The following PXN variants were observed in gnomAD, a reference collection of about 807,000 sequenced individuals.
PXN encodes testicular tissue protein Li 134.
In PXN, 61 loss-of-function variants were observed where a neutral mutation model predicts 103.6. The observed-to-expected ratio is 0.59, with a 90% CI of 0.48 to 0.73. The LOEUF (loss-of-function observed/expected upper bound fraction) is 0.73. Among genes scored for constraint, PXN ranks in the 30% least tolerant of loss-of-function variants. The probability of loss-of-function intolerance (pLI) is 0.00; values close to 1 mark genes in which losing one functional copy is unlikely to be tolerated. For synonymous variants in PXN, 562 were observed against 607.8 expected (o/e 0.92, Z 1.11); for missense variants, 1,274 against 1,460.3 (o/e 0.87, Z 2.08).
chr12:120,248,492 TCACACACACACA>T lies in PXN; in HGVS notation c.13+17113_13+17124del, dbSNP rs3221954. Among the ~76,000 whole-genome samples the T allele has an allele frequency of 8.3e-3, 1,056 of 127,932 alleles. 6 individuals are homozygous for T. The highest frequency in any genetic ancestry group is 0.012 in the Non-Finnish European group (722 of 60,986). 83.9% of individuals were successfully genotyped at this position (127,932 alleles called of 152,430 possible). ...ACCATATACAATCCACAGATGACTT[TCACACACACACA>T]CACACACACACACACACACACACAC... On this transcript the variant is annotated intron_variant, in intron 1 of 14. Coordinates refer to ENST00000637617, the MANE Select transcript of PXN (RefSeq NM_001385981.1).
chr12:120,224,097 G>C lies in PXN; in HGVS notation c.240+54C>G. 7.2e-7 allele frequency: 1 copy of C among 1,396,454 alleles called. No individual in the cohort carries two copies. The highest frequency in any genetic ancestry group is 1.4e-5 in the South Asian group (1 of 71,902). 86.5% of individuals were successfully genotyped at this position (1,396,454 alleles called of 1,614,324 possible). A position where few individuals can be genotyped will look rare whatever the true frequency, so the allele number is the denominator to read the frequency against. On this transcript the variant is annotated intron_variant, in intron 2 of 14. Coordinates refer to ENST00000637617, the MANE Select transcript of PXN (RefSeq NM_001385981.1). The surrounding 1 kb of genome is among the most constrained non-coding windows in gnomAD (Gnocchi z 5.0). ...GGCTCCCTAAGCCCCTGCCAGCTAA[G>C]TTCCCTCTGTCCCCCAGCCTCCTTG...
chr12:120,222,351 C>T lies in PXN; in HGVS notation c.695+198G>A, dbSNP rs746299450. 5.9e-5 allele frequency among the ~76,000 whole-genome samples: 9 copies of T among 152,242 alleles called. No individual in the cohort carries two copies. The highest frequency in any genetic ancestry group is 2.1e-4 in the South Asian group (1 of 4,836). ...CTCCAGGCGCCCTCAGCCTGCACAA[C>T]GTCTGTCCTTTCTGACTGGCAGTGA... On this transcript the variant is annotated intron_variant, in intron 5 of 14. Coordinates refer to ENST00000637617, the MANE Select transcript of PXN (RefSeq NM_001385981.1). This position sits in a 1 kb window ranked among gnomAD's most constrained non-coding sequence, Gnocchi z 4.7.
chr12:120,223,062 G>A (rs1885680217), intron 3 of PXN, 63 bp from the exon 4 acceptor site: 3 of 1,611,024 alleles, frequency 1.9e-6, no homozygotes, highest in Non-Finnish European at 2.5e-6. Flanking sequence ...TGGCTTGGCA[G>A]TTCCCAGATT....
In PXN at chr12:120,222,187, G is replaced by A. The variant is rs1885374932; in HGVS notation, c.695+362C>T. 6.6e-6 allele frequency among the ~76,000 whole-genome samples: 1 copy of A among 152,208 alleles called. No homozygotes were observed. The highest frequency in any genetic ancestry group is 2.4e-5 in the African/African-American group (1 of 41,462). ...GTTCTCACCCTTACTGAGGTAGGTG[G>A]TCTTATCCCAGTGATCCCATAAGTT... On this transcript the variant is annotated intron_variant, in intron 5 of 14. Transcript: ENST00000637617. This position sits in a 1 kb window ranked among gnomAD's most constrained non-coding sequence, Gnocchi z 4.7.
At chr12:120,247,872 A>C (rs1891437658) in intron 1 of PXN, 1 of 152,260 alleles carries the variant, frequency 6.6e-6, no homozygotes, top group South Asian at 2.1e-4. Context: ...TTCTGTTAAT[A>C]TCAGGCAAGG....
In PXN at chr12:120,217,177, A is replaced by T; in HGVS notation, c.1717-61T>A. On this transcript the variant is annotated intron_variant, in intron 7 of 14. Coordinates refer to ENST00000637617, the MANE Select transcript of PXN (RefSeq NM_001385981.1). This position sits in a 1 kb window ranked among gnomAD's most constrained non-coding sequence, Gnocchi z 4.1. ...ACTCCCAGCTTGCACAACGCTGCTC[A>T]GGCCACACTCAGATGCCTCAGGAGA... 2 of 1,357,752 alleles carry T rather than the reference A, an allele frequency of 1.5e-6. No homozygotes were observed. The highest frequency in any genetic ancestry group is 4.0e-5 in the Admixed American group (2 of 49,646). 84.1% of individuals were successfully genotyped at this position (1,357,752 alleles called of 1,614,324 possible). A position where few individuals can be genotyped will look rare whatever the true frequency, so the allele number is the denominator to read the frequency against.
chr12:120,239,924 T>TC (rs1184559239), intron 1 of PXN, among the ~76,000 whole-genome samples: 1 of 146,170 alleles, frequency 6.8e-6, no homozygotes, highest in Non-Finnish European at 1.5e-5. Context: ...GAAATCTAGC[T>TC]CCCTTTTTTT....
chr12:120,236,524 C>G (rs1889086661), intron 1 of PXN, among the ~76,000 whole-genome samples: 1 of 147,734 alleles, frequency 6.8e-6, no homozygotes, highest in African/African-American at 2.5e-5. Flanking sequence ...GTCGCCCAGG[C>G]TGGCGTACAG....
chr12:120,265,062 G>A lies in PXN; in HGVS notation c.13+555C>T, dbSNP rs1433991244. On this transcript the variant is annotated intron_variant, in intron 1 of 14. Transcript: ENST00000637617. The surrounding 1 kb of genome is among the most constrained non-coding windows in gnomAD (Gnocchi z 5.7). Reference sequence around the variant, plus strand: ...TTTGCATCTGACTTGTGAAATGAAAGGGGTGGGCTCCGAGGGGTTATCCCT... The same window carrying A: ...TTTGCATCTGACTTGTGAAATGAAAAGGGTGGGCTCCGAGGGGTTATCCCT... Among the ~76,000 whole-genome samples, 2 of 152,050 alleles carry A rather than the reference G, an allele frequency of 1.3e-5. No homozygotes were observed. Among genetic ancestry groups the A allele is most frequent in the South Asian group, 4.1e-4 (2 of 4,832 alleles).
chr12:120,256,753 T>A (rs1410158013), intron 1 of PXN, among the ~76,000 whole-genome samples: 1 of 152,184 alleles, frequency 6.6e-6, no homozygotes, highest in Non-Finnish European at 1.5e-5. Context: ...AATCTCGCTC[T>A]GTCACCCAGG....
chr12:120,215,745 G>T lies in PXN; in HGVS notation c.2302-84C>A, dbSNP rs975969843. ...AAGACCTTGTCACTGGACTAAAAGGGAATCTAGGATGAGATCTGAGGGTTT... is the reference window on the plus strand; with the variant it reads ...AAGACCTTGTCACTGGACTAAAAGGTAATCTAGGATGAGATCTGAGGGTTT... On this transcript the variant is annotated intron_variant, in intron 9 of 14. Coordinates refer to ENST00000637617, the MANE Select transcript of PXN (RefSeq NM_001385981.1). This position sits in a 1 kb window ranked among gnomAD's most constrained non-coding sequence, Gnocchi z 4.9. 7 of 1,419,860 alleles carry T rather than the reference G, an allele frequency of 4.9e-6. No homozygotes were observed. The African/African-American group carries it at 7.3e-5, about 15-fold the overall frequency. The allele number at this position is 1,419,860 out of a possible 1,614,324, so 88.0% of individuals were successfully genotyped here.
rs1441126728 is a variant in PXN at position 120,217,610 on chromosome 12, C to T, written c.1717-494G>A. On this transcript the variant is annotated intron_variant, in intron 7 of 14. Transcript: ENST00000637617. This position sits in a 1 kb window ranked among gnomAD's most constrained non-coding sequence, Gnocchi z 4.1. ...TTTTTTTTGGGGGGGGACAGAGTCT[C>T]GCTCTGTCGCCCAGGCTGGAATGCA... Among the ~76,000 whole-genome samples, 1 of 151,812 alleles carries T rather than the reference C, an allele frequency of 6.6e-6. No homozygotes were observed. The highest frequency in any genetic ancestry group is 1.5e-5 in the Non-Finnish European group (1 of 67,976).
intron 1 of PXN, among the ~76,000 whole-genome samples, chr12:120,254,368 G>A (rs768235964): frequency 3.9e-5 from 6 of 152,124 alleles, no homozygotes; most frequent in Non-Finnish European, 7.3e-5. Flanking sequence ...AATCGTACTC[G>A]GGATTTTCGG....
Position 120,228,771 on chromosome 12 carries a change from T to TGCACCTGG in PXN, c.14-4395_14-4394insCCAGGTGC, listed in dbSNP as rs1887431177. On this transcript the variant is annotated intron_variant, in intron 1 of 14. Coordinates refer to ENST00000637617, the MANE Select transcript of PXN (RefSeq NM_001385981.1). This position sits in a 1 kb window ranked among gnomAD's most constrained non-coding sequence, Gnocchi z 4.7. ...GAACCAGAGGGGTGCACGCCCTCGC[T>TGCACCTGG]TCCAGGGCCCTGTGCAAATGCAGCA... Among the ~76,000 whole-genome samples the TGCACCTGG allele has an allele frequency of 3.3e-5, 5 of 152,316 alleles. No homozygotes were observed. Among genetic ancestry groups the TGCACCTGG allele is most frequent in the Admixed American group, 2.0e-4 (3 of 15,306 alleles).
intron 1 of PXN, among the ~76,000 whole-genome samples, chr12:120,230,381 G>C (rs1189543459): frequency 6.6e-6 from 1 of 152,204 alleles, no homozygotes; most frequent in Non-Finnish European, 1.5e-5. Flanking sequence ...CAGAACTCTG[G>C]ACAAGGGAGG....
At chr12:120,239,062 C>A (rs943412080) in intron 1 of PXN, among the ~76,000 whole-genome samples, 4 of 152,194 alleles carry the variant, frequency 2.6e-5, no homozygotes, top group African/African-American at 9.7e-5. Context: ...TATGTTCAGA[C>A]AGGAAATGGT....
At position 120,224,534 on chromosome 12, in the gene PXN, C is replaced by T. The variant is rs553101382; in HGVS notation, c.14-157G>A. ...AGCCTTGGGACAGGAAGCCACCAGC[C>T]CCGACCAGCCTAACCAAGAGCCGGC... On this transcript the variant is annotated intron_variant, in intron 1 of 14. Transcript: ENST00000637617. The surrounding 1 kb of genome is among the most constrained non-coding windows in gnomAD (Gnocchi z 5.0). 2.7e-6 allele frequency: 2 copies of T among 735,488 alleles called. 1 individual carries two copies. Among genetic ancestry groups the T allele is most frequent in the African/African-American group, 3.4e-5 (2 of 58,156 alleles). 45.6% of individuals were successfully genotyped at this position (735,488 alleles called of 1,614,324 possible).
chr12:120,235,448 A>G (rs1888853546), intron 1 of PXN, among the ~76,000 whole-genome samples: 1 of 152,070 alleles, frequency 6.6e-6, no homozygotes, highest in African/African-American at 2.4e-5. Context: ...ATAAGGCCCC[A>G]CGAGGACTGC....
At chr12:120,246,854 T>TAA (rs869044889) in intron 1 of PXN, among the ~76,000 whole-genome samples, 10 of 128,694 alleles carry the variant, frequency 7.8e-5, no homozygotes, top group Non-Finnish European at 1.0e-4. Context: ...GAATCTGTCT[T>TAA]AAAAAAAAAA....
Sources: allele counts gnomAD v4.1 joint callset (sites outside exome capture counted in the v4.1 genomes callset), GRCh38; gene constraint gnomAD v4.1.1; non-coding constraint Gnocchi (gnomAD v3.1); transcripts MANE v1.5; gene names NCBI Gene and HGNC (gene_info 2026-07-23, HGNC 2026-07-21).